Variants in COL6A6 observed in about 807,000 individuals in gnomAD.
COL6A6 encodes collagen alpha-6(VI) chain.
A neutral mutation model predicts 208.6 loss-of-function variants in COL6A6; 183 were observed. The ratio of observed to expected loss-of-function variants is 0.88; its 90% confidence interval spans 0.78 to 0.99. The LOEUF (loss-of-function observed/expected upper bound fraction) is 0.99, where lower values mean the gene tolerates loss of function less well. Ranked by LOEUF, COL6A6 falls within the 50% of genes least tolerant of loss-of-function variation. COL6A6 has a pLI of 0.00. For missense variants in COL6A6, 2,816 were observed against 2,815.2 expected (o/e 1.00, Z -0.01); for synonymous variants, 973 against 1,011.8 (o/e 0.96, Z 0.73).
At position 130,589,091 on chromosome 3, in the gene COL6A6, T is replaced by G. The variant is rs2063611026; in HGVS notation, c.4127T>G (p.Val1376Gly). 3 of 1,613,340 alleles carry G rather than the reference T, an allele frequency of 1.9e-6. No homozygotes were observed. The highest frequency in any genetic ancestry group is 2.5e-6 in the Non-Finnish European group (3 of 1,179,328). ...ELGSRLSKQL[V>G]NVAERTCCCL... Reference sequence around the variant, plus strand: ...ATGTATTTCTTACCCTCTCCCAAGGTCAATGTTGCTGAAAGGACATGCTGC... The same window carrying G: ...ATGTATTTCTTACCCTCTCCCAAGGGCAATGTTGCTGAAAGGACATGCTGC... The change falls in exon 12 of 37, where the codon GTC becomes GGC. Residue 1376 changes from valine to glycine, a missense_variant and splice_region_variant. Transcript: ENST00000358511.
At chr3:130,596,819 AT>A in intron 18 of COL6A6, among the ~76,000 whole-genome samples, 1 of 152,230 alleles carries the variant, frequency 6.6e-6, no homozygotes, top group East Asian at 1.9e-4. Flanking sequence ...TAATGATAAA[AT>A]TTTTAAAAAA....
intron 1 of COL6A6, among the ~76,000 whole-genome samples, chr3:130,519,030 A>G (rs1159103581): frequency 6.6e-6 from 1 of 152,196 alleles, no homozygotes; most frequent in East Asian, 1.9e-4. Flanking sequence ...CTCCGGAAAT[A>G]CTATTGTTGA....
At chr3:130,675,092 C>T in intron 36 of COL6A6, 110 bp from the exon 37 acceptor site, 1 of 703,350 alleles carries the variant, frequency 1.4e-6, no homozygotes, top group South Asian at 3.6e-5. Flanking sequence ...TGGAGGAAGG[C>T]TGCAACAAGG....
intron 36 of COL6A6, among the ~76,000 whole-genome samples, chr3:130,672,373 A>T (rs879321973): frequency 1.3e-5 from 2 of 151,940 alleles, no homozygotes; most frequent in Non-Finnish European, 2.9e-5. Flanking sequence ...AAAGAGAAAC[A>T]AAGTCTTACA....
intron 8 of COL6A6, among the ~76,000 whole-genome samples, chr3:130,577,630 G>A (rs2063328327): frequency 6.6e-6 from 1 of 152,210 alleles, no homozygotes; most frequent in Non-Finnish European, 1.5e-5. Flanking sequence ...TTCAGCATGT[G>A]GACTCCAGAG....
At chr3:130,661,605 C>T in intron 34 of COL6A6, 32 bp from the exon 35 acceptor site, 1 of 1,544,826 alleles carries the variant, frequency 6.5e-7, no homozygotes, top group Non-Finnish European at 8.8e-7. Flanking sequence ...TCTATTTCTA[C>T]TTAGTAACCC....
chr3:130,555,481 C>T (rs1251228559), intron 1 of COL6A6, among the ~76,000 whole-genome samples: 2 of 152,158 alleles, frequency 1.3e-5, no homozygotes, highest in African/African-American at 2.4e-5. Flanking sequence ...AAATGATCCC[C>T]TGGCTACGGC....
intron 33 of COL6A6, among the ~76,000 whole-genome samples, chr3:130,651,425 CAAAA>C (rs35957602): frequency 8.2e-5 from 5 of 61,030 alleles, no homozygotes; most frequent in Admixed American, 6.9e-4. Context: ...GACTCCATCT[CAAAA>C]AAAAAAAAAA....
Position 130,567,061 on chromosome 3 carries a change from A to G in COL6A6, c.1642A>G (p.Met548Val). 2 of 1,614,066 alleles carry G rather than the reference A, an allele frequency of 1.2e-6. No homozygotes were observed. The highest frequency in any genetic ancestry group is 1.7e-6 in the Non-Finnish European group (2 of 1,179,886). The change falls in exon 5 of 37, where the codon ATG (methionine) becomes GTG (valine). Residue 548 changes from methionine to valine, a missense_variant. Coordinates refer to ENST00000358511, the MANE Select transcript of COL6A6 (RefSeq NM_001102608.3). ...PCHLVVLTNG[M>V]SKDSILEPAN... ...CCACCTTGTTGTCCTGACAAATGGCATGTCCAAGGATAGCATCTTGGAGCC... is the reference window on the plus strand; with the variant it reads ...CCACCTTGTTGTCCTGACAAATGGCGTGTCCAAGGATAGCATCTTGGAGCC...
At chr3:130,654,932 T>A (rs2108431405) in intron 33 of COL6A6, among the ~76,000 whole-genome samples, 1 of 152,188 alleles carries the variant, frequency 6.6e-6, no homozygotes, top group Middle Eastern at 3.4e-3. Context: ...TGGAAAATGG[T>A]CTTCATACAC....
chr3:130,542,104 T>G (rs573456715), intron 1 of COL6A6, among the ~76,000 whole-genome samples: 2 of 151,980 alleles, frequency 1.3e-5, no homozygotes, highest in South Asian at 4.1e-4. Context: ...TTTTTCTTTT[T>G]CAGGGAACCA....
At position 130,560,051 on chromosome 3, in the gene COL6A6, C is replaced by T. The variant is rs148507763; in HGVS notation, c.-31-283C>T. On this transcript the variant is annotated intron_variant, in intron 1 of 36. Transcript: ENST00000358511. The stretch of plus-strand genomic sequence containing the variant: ...GGTACAGGAAAATAAATACTAGGAA[C>T]GCGTAATATTGTTAGCACTAAAATC... Among the ~76,000 whole-genome samples, 248 of 152,224 alleles carry T rather than the reference C, an allele frequency of 1.6e-3. No individual in the cohort carries two copies. The Middle Eastern group carries it at 0.027, about 17-fold the overall frequency.
At chr3:130,533,739 A>G (rs948169092) in intron 1 of COL6A6, among the ~76,000 whole-genome samples, 1 of 152,160 alleles carries the variant, frequency 6.6e-6, no homozygotes, top group Non-Finnish European at 1.5e-5. Context: ...GTGTGTTTTA[A>G]TAATTTTACA....
chr3:130,643,807 T>C (rs78315573), intron 31 of COL6A6, among the ~76,000 whole-genome samples: 173 of 152,280 alleles, frequency 1.1e-3, no homozygotes, highest in Admixed American at 2.2e-3. Context: ...GAAAAATAAA[T>C]TAGAGCCTAT....
intron 1 of COL6A6, among the ~76,000 whole-genome samples, chr3:130,550,542 G>A (rs1440270338): frequency 6.6e-6 from 1 of 152,184 alleles, no homozygotes; most frequent in Non-Finnish European, 1.5e-5. Context: ...GTTCCACATG[G>A]CTGGGGAGGC....
intron 33 of COL6A6, among the ~76,000 whole-genome samples, chr3:130,654,404 T>A (rs1159976074): frequency 2.6e-5 from 4 of 152,172 alleles, no homozygotes; most frequent in Non-Finnish European, 5.9e-5. Flanking sequence ...TGGTTTCCAG[T>A]CATTTACCAC....
intron 36 of COL6A6, among the ~76,000 whole-genome samples, chr3:130,673,790 T>C (rs57167885): frequency 0.039 from 5,938 of 151,908 alleles, 389 homozygotes; most frequent in African/African-American, 0.13. Flanking sequence ...AGACCTCAGC[T>C]CTCCAAAAAT....
intron 33 of COL6A6, among the ~76,000 whole-genome samples, chr3:130,650,654 T>A (rs2065615654): frequency 6.6e-6 from 1 of 152,088 alleles, no homozygotes; most frequent in Non-Finnish European, 1.5e-5. Flanking sequence ...TTTGAAAATT[T>A]ATTTAGAGAA....
Position 130,566,963 on chromosome 3 carries a change from C to G in COL6A6, c.1544C>G (p.Thr515Arg). 1 of 1,614,030 alleles carries G rather than the reference C, an allele frequency of 6.2e-7. No individual in the cohort carries two copies. The highest frequency in any genetic ancestry group is 8.5e-7 in the Non-Finnish European group (1 of 1,179,888). ...NIRQMGGNTN[T>R]GAALNFTLSL... ...AGGCAGATGGGTGGGAATACAAACA[C>G]AGGCGCAGCACTGAATTTCACACTG... is the stretch of plus-strand genomic sequence containing the variant. The change falls in exon 5 of 37, where the codon ACA becomes AGA. Residue 515 changes from threonine (T) to arginine (R), a missense_variant. By Grantham distance (71) the Thr-to-Arg change is moderately conservative. Transcript: ENST00000358511.
Sources: gnomAD v4.1 joint callset for allele counts (sites outside exome capture counted in the v4.1 genomes callset) on GRCh38, gnomAD v4.1.1 for gene constraint, MANE v1.5 for transcripts, NCBI Gene and HGNC (gene_info 2026-07-23, HGNC 2026-07-21) for gene names.